TNFAIP1: variants seen among roughly 807,000 people sequenced by gnomAD.
TNFAIP1 encodes TNF alpha induced protein 1, also known as BTB/POZ domain-containing adapter for CUL3-mediated RhoA degradation protein 2.
In TNFAIP1, 20 loss-of-function variants were observed where a neutral mutation model predicts 32.6. The ratio of observed to expected loss-of-function variants is 0.61; its 90% CI spans 0.43 to 0.89. The LOEUF (loss-of-function observed/expected upper bound fraction) is 0.89. Ranked by LOEUF, TNFAIP1 falls within the 40% of genes least tolerant of loss-of-function variation. The pLI is 0.00. For missense variants in TNFAIP1, 319 were observed against 425.1 expected, an observed-to-expected ratio of 0.75 and a Z score of 2.20; for synonymous variants, 166 against 166.8, an observed-to-expected ratio of 1.00 and a Z score of 0.04.
At position 28,344,705 on chromosome 17, in the gene TNFAIP1, AC is replaced by A; in HGVS notation, c.*108del. ...CTGCTGCCTGGGTCTCTGCTCTAGC[AC>A]CCAGAGGCATGACAGGCCCTGCTCA... On this transcript the variant is annotated 3_prime_UTR_variant, in exon 7 of 7. Coordinates refer to ENST00000226225, the MANE Select transcript of TNFAIP1 (RefSeq NM_021137.5). The A allele has an allele frequency of 8.6e-7, 1 of 1,163,362 alleles. No homozygotes were observed. Among genetic ancestry groups the A allele is most frequent in the Non-Finnish European group, 1.2e-6 (1 of 805,140 alleles). 72.1% of individuals were successfully genotyped at this position (1,163,362 alleles called of 1,614,324 possible). A position where few individuals can be genotyped will look rare whatever the true frequency, so the allele number is the denominator to read the frequency against.
At position 28,344,416 on chromosome 17, in the gene TNFAIP1, A is replaced by G. The variant is rs879949673; in HGVS notation, c.767A>G (p.Tyr256Cys). 5 of 1,613,902 alleles carry G rather than the reference A, an allele frequency of 3.1e-6. No homozygotes were observed. Among genetic ancestry groups the G allele is most frequent in the Non-Finnish European group, 3.4e-6 (4 of 1,180,010 alleles). Residue 256 changes from tyrosine to cysteine, a missense_variant, in exon 7 of 7, where the codon TAT becomes TGT. Tyr to Cys is a radical substitution (Grantham distance 194). Coordinates refer to ENST00000226225, the MANE Select transcript of TNFAIP1 (RefSeq NM_021137.5). Reference protein sequence around the residue: ...IYEETLNVLLYETPRVPDNSL... With the variant: ...IYEETLNVLLCETPRVPDNSL... Reference sequence around the variant, plus strand: ...GAGGAGACACTCAACGTCCTACTCTATGAGACTCCCCGCGTCCCCGACAAC... The same window carrying G: ...GAGGAGACACTCAACGTCCTACTCTGTGAGACTCCCCGCGTCCCCGACAAC...
In TNFAIP1 at chr17:28,340,807, C is replaced by T. The variant is rs1303845218; in HGVS notation, c.375+329C>T. 1.3e-5 allele frequency among the ~76,000 whole-genome samples: 2 copies of T among 152,080 alleles called. No homozygotes were observed. Among genetic ancestry groups the T allele is most frequent in the Admixed American group, 6.5e-5 (1 of 15,272 alleles). On this transcript the variant is annotated intron_variant, in intron 3 of 6. Coordinates refer to ENST00000226225, the MANE Select transcript of TNFAIP1 (RefSeq NM_021137.5). The surrounding 1 kb of genome is among the most constrained non-coding windows in gnomAD (Gnocchi z 4.1). The stretch of plus-strand genomic sequence containing the variant: ...TCACCCAGGCTGGAGTGCAGTGGTG[C>T]GATGTCAGCTCACTGCAACTTCTGC...
chr17:28,339,039 T>TG (rs1193558262), intron 1 of TNFAIP1, among the ~76,000 whole-genome samples: 1 of 143,170 alleles, frequency 7.0e-6, no homozygotes, highest in Non-Finnish European at 1.5e-5. Flanking sequence ...GAGACCAGCC[T>TG]GGGCAGCATG....
Position 28,340,161 on chromosome 17 carries a change from T to C in TNFAIP1, c.206-148T>C. 3 of 780,536 alleles carry C rather than the reference T, an allele frequency of 3.8e-6. No homozygotes were observed. The highest frequency in any genetic ancestry group is 5.4e-5 in the East Asian group (2 of 37,136). 48.4% of individuals were successfully genotyped at this position (780,536 alleles called of 1,614,324 possible). On this transcript the variant is annotated intron_variant, in intron 2 of 6. Coordinates refer to ENST00000226225, the MANE Select transcript of TNFAIP1 (RefSeq NM_021137.5). This position sits in a 1 kb window ranked among gnomAD's most constrained non-coding sequence, Gnocchi z 4.1. The stretch of plus-strand genomic sequence containing the variant: ...AGCCATGGGCCTGAGTGCTAGAACC[T>C]CCATCCCCGCCTCTGTCACCCTGCG...
chr17:28,340,885 C>T lies in TNFAIP1; in HGVS notation c.376-352C>T, dbSNP rs1907338741. Among the ~76,000 whole-genome samples, 1 of 152,140 alleles carries T rather than the reference C, an allele frequency of 6.6e-6. No individual in the cohort carries two copies. Among genetic ancestry groups the T allele is most frequent in the Non-Finnish European group, 1.5e-5 (1 of 68,034 alleles). ...TTGGCCTTCAGAGTAGCTGGGAATG[C>T]CAGCATGCGCCATGGCACCCAGCTA... On this transcript the variant is annotated intron_variant, in intron 3 of 6. Coordinates refer to ENST00000226225, the MANE Select transcript of TNFAIP1 (RefSeq NM_021137.5). This position sits in a 1 kb window ranked among gnomAD's most constrained non-coding sequence, Gnocchi z 4.1.
chr17:28,343,896 C>T (rs1907452417), intron 6 of TNFAIP1, among the ~76,000 whole-genome samples: 1 of 152,172 alleles, frequency 6.6e-6, no homozygotes, highest in African/African-American at 2.4e-5. Context: ...CTCAGCATAG[C>T]AGCTGCTCTG....
rs1476516504 is a variant in TNFAIP1, at chr17:28,342,007, G to GA, written c.519-239dup. ...TCCTTCCTTCCAGGGTTAGTGAGGG[G>GA]AGACCTCCTTCCTCAGCTGTCCCTA... is the stretch of plus-strand genomic sequence containing the variant. On this transcript the variant is annotated intron_variant, in intron 5 of 6. Coordinates refer to ENST00000226225, the MANE Select transcript of TNFAIP1 (RefSeq NM_021137.5). The surrounding 1 kb of genome is among the most constrained non-coding windows in gnomAD (Gnocchi z 4.0). 6.6e-6 allele frequency among the ~76,000 whole-genome samples: 1 copy of GA among 152,204 alleles called. No individual in the cohort carries two copies. Among genetic ancestry groups the GA allele is most frequent in the Admixed American group, 6.5e-5 (1 of 15,290 alleles).
At chr17:28,341,589 AAGT>A (rs1198007667) in intron 5 of TNFAIP1, 133 bp downstream of exon 5, 13 of 978,720 alleles carry the variant, frequency 1.3e-5, no homozygotes, top group Middle Eastern at 6.5e-4. Flanking sequence ...GAAAAACAGA[AAGT>A]AGAAGGGAAA....
At chr17:28,338,393 C>T (rs1907246329) in intron 1 of TNFAIP1, among the ~76,000 whole-genome samples, 1 of 152,184 alleles carries the variant, frequency 6.6e-6, no homozygotes, top group South Asian at 2.1e-4. Flanking sequence ...AAACAGCCAT[C>T]CTATAGCTGT....
chr17:28,341,538 G>C, intron 5 of TNFAIP1, 82 bp downstream of exon 5: 3 of 1,522,136 alleles, frequency 2.0e-6, no homozygotes, highest in South Asian at 2.3e-5. Flanking sequence ...GGTCGGCGTG[G>C]GTCTGGGCCT....
intron 1 of TNFAIP1, among the ~76,000 whole-genome samples, chr17:28,338,239 A>G (rs1907242568): frequency 1.3e-5 from 2 of 152,208 alleles, no homozygotes; most frequent in South Asian, 4.1e-4. Flanking sequence ...CTGAGTAGCC[A>G]GGAGTACAGG....
intron 6 of TNFAIP1, among the ~76,000 whole-genome samples, chr17:28,343,842 G>A (rs1331396606): frequency 3.3e-5 from 5 of 152,046 alleles, no homozygotes; most frequent in African/African-American, 7.2e-5. Flanking sequence ...AGGTCATGCC[G>A]GTGACACACT....
rs201347695 is a variant in TNFAIP1, at chr17:28,342,228, G to A, written c.519-19G>A. 35 of 1,567,184 alleles carry A rather than the reference G, an allele frequency of 2.2e-5. No homozygotes were observed. Among genetic ancestry groups the A allele is most frequent in the Non-Finnish European group, 1.2e-5 (14 of 1,146,142 alleles). ...CTGGAACCTCACTCCCAGCCGCTTGGCCCTCATGTTTTTTTCAGCAACTCT... is the reference window on the plus strand; with the variant it reads ...CTGGAACCTCACTCCCAGCCGCTTGACCCTCATGTTTTTTTCAGCAACTCT... On this transcript the variant is annotated intron_variant, in intron 5 of 6. Coordinates refer to ENST00000226225, the MANE Select transcript of TNFAIP1 (RefSeq NM_021137.5). The surrounding 1 kb of genome is among the most constrained non-coding windows in gnomAD (Gnocchi z 4.0).
chr17:28,341,005 A>G (rs1907343166), intron 3 of TNFAIP1, among the ~76,000 whole-genome samples: 1 of 152,196 alleles, frequency 6.6e-6, no homozygotes, highest in Non-Finnish European at 1.5e-5. Flanking sequence ...TCAGCCTCCC[A>G]AAGTGCTGGG....
At chr17:28,338,852 T>TGGAGCTGAGTCTCAGGGA (rs1374161534) in intron 1 of TNFAIP1, among the ~76,000 whole-genome samples, 1 of 151,614 alleles carries the variant, frequency 6.6e-6, no homozygotes, top group Non-Finnish European at 1.5e-5. Flanking sequence ...CTGCCCTGAG[T>TGGAGCTGAGTCTCAGGGA]GGAGCTGAGT....
chr17:28,343,435 G>A (rs1555578456), intron 6 of TNFAIP1, among the ~76,000 whole-genome samples: 3 of 149,566 alleles, frequency 2.0e-5, no homozygotes, highest in South Asian at 4.3e-4. Flanking sequence ...GCAACTTGTC[G>A]ACCCCCAAAC....
At chr17:28,339,291 C>T (rs1176140115) in intron 1 of TNFAIP1, 117 bp from the exon 2 acceptor site, 3 of 401,238 alleles carry the variant, frequency 7.5e-6, no homozygotes, top group African/African-American at 6.2e-5. Flanking sequence ...TAGCCTCTGC[C>T]AGGGAGCAGT....
At chr17:28,344,259 TGA>T (rs1287702875) in intron 6 of TNFAIP1, 103 bp from the exon 7 acceptor site, 3 of 968,530 alleles carry the variant, frequency 3.1e-6, no homozygotes, top group African/African-American at 3.2e-5. Flanking sequence ...ACCTGTTTTA[TGA>T]GAGGTAGCGG....
In TNFAIP1 at chr17:28,345,425, A is replaced by G. The variant is rs1305908589; in HGVS notation, c.*825A>G. ...TCACAGGGTGCCTGTGAGAAAGGAC[A>G]TTTTACCCCCACATCATAGTCACAT... On this transcript the variant is annotated 3_prime_UTR_variant, in exon 7 of 7. Transcript: ENST00000226225. 1 of 152,266 alleles carries G rather than the reference A, an allele frequency of 6.6e-6. No homozygotes were observed. The highest frequency in any genetic ancestry group is 2.4e-5 in the African/African-American group (1 of 41,448). 9.4% of individuals were successfully genotyped at this position (152,266 alleles called of 1,614,324 possible).
Sources: gnomAD v4.1 joint callset for allele counts (sites outside exome capture counted in the v4.1 genomes callset) on GRCh38, gnomAD v4.1.1 for gene constraint, Gnocchi (gnomAD v3.1) non-coding constraint, MANE v1.5 for transcripts, NCBI Gene and HGNC (gene_info 2026-07-23, HGNC 2026-07-21) for gene names.